Variants in POLN observed in about 807,000 individuals in gnomAD.
The protein encoded by POLN is DNA polymerase nu.
A neutral mutation model predicts 113.5 loss-of-function variants in POLN; 108 were observed. The observed-to-expected ratio is 0.95, with a 90% CI of 0.81 to 1.12. The LOEUF (loss-of-function observed/expected upper bound fraction) is 1.12, where lower values mean the gene tolerates loss of function less well. POLN is among the 50% of genes most tolerant of loss of function. POLN has a pLI of 0.00. For synonymous variants in POLN, 386 were observed against 391.5 expected (o/e 0.99, Z 0.17); for missense variants, 1,097 against 1,077.1 (o/e 1.02, Z -0.26).
At chr4:2,206,213 G>T (rs567021069) in intron 5 of POLN, among the ~76,000 whole-genome samples, 1 of 152,244 alleles carries the variant, frequency 6.6e-6, no homozygotes, top group East Asian at 1.9e-4. Context: ...AAATGAAACT[G>T]GATCCTCATC....
At chr4:2,149,601 G>A (rs1430874992) in intron 16 of POLN, among the ~76,000 whole-genome samples, 1 of 152,064 alleles carries the variant, frequency 6.6e-6, no homozygotes, top group Non-Finnish European at 1.5e-5. Context: ...AAACGATATA[G>A]GATAGCAAGA....
chr4:2,169,515 T>C (rs1732808388), intron 13 of POLN, among the ~76,000 whole-genome samples: 1 of 152,182 alleles, frequency 6.6e-6, no homozygotes, highest in African/African-American at 2.4e-5. Flanking sequence ...TTACTGGTCT[T>C]TTGAGAGCTT....
At chr4:2,236,210 A>G (rs1380423386) in intron 2 of POLN, 26 of 1,473,864 alleles carry the variant, frequency 1.8e-5, no homozygotes, top group African/African-American at 2.8e-5. Context: ...ATTTTTAACT[A>G]CTATGGCAAA....
intron 20 of POLN, chr4:2,088,697 G>GTT: frequency 2.1e-6 from 2 of 957,380 alleles, no homozygotes; most frequent in Non-Finnish European, 2.9e-6. Context: ...CAGCCATCAA[G>GTT]TTTTCTTTTG....
intron 6 of POLN, among the ~76,000 whole-genome samples, chr4:2,197,399 G>A (rs1560090429): frequency 6.6e-6 from 1 of 152,154 alleles, no homozygotes; most frequent in Non-Finnish European, 1.5e-5. Context: ...TATGGTTTGT[G>A]GAAAGTAGAG....
intron 2 of POLN, chr4:2,231,105 G>C (rs1048994259): frequency 2.6e-5 from 4 of 152,154 alleles, no homozygotes; most frequent in African/African-American, 9.7e-5. Context: ...AATGAATGCA[G>C]GCAGGCCAAG....
rs1278389507 is a variant in POLN, at chr4:2,094,471, C to T, written c.2065+1380G>A. On this transcript the variant is annotated intron_variant, in intron 20 of 25. Transcript: ENST00000511885. ...GCCAACACCCTGACTGCAGCCCCTG[C>T]AGGGGACCCAGCTATGGCATGCCCA... 2.6e-5 allele frequency among the ~76,000 whole-genome samples: 4 copies of T among 152,080 alleles called. No homozygotes were observed. The East Asian group carries it at 7.7e-4, about 29-fold the overall frequency.
chr4:2,147,957 A>T (rs7660254), intron 16 of POLN, among the ~76,000 whole-genome samples: 13,377 of 152,012 alleles, frequency 0.088, 953 homozygotes, highest in African/African-American at 0.19. Context: ...TTTTCATTCA[A>T]TACACACTTG....
At position 2,163,848 on chromosome 4, in the gene POLN, C is replaced by G. The variant is rs1732662156; in HGVS notation, c.1555-4637G>C. ...CCCAGCATGGGACTTGTCTTGAGCC[C>G]CGTCCCACAGGCCCAACTGCTGTTT... On this transcript the variant is annotated intron_variant, in intron 13 of 25. Transcript: ENST00000511885. Among the ~76,000 whole-genome samples the G allele has an allele frequency of 2.0e-5, 3 of 152,232 alleles. 1 individual carries two copies. The highest frequency in any genetic ancestry group is 7.2e-5 in the African/African-American group (3 of 41,472).
intron 19 of POLN, among the ~76,000 whole-genome samples, chr4:2,108,929 C>T (rs1359863812): frequency 6.6e-6 from 1 of 151,618 alleles, no homozygotes; most frequent in African/African-American, 2.4e-5. Context: ...CAGTTAACCA[C>T]GCTTTTCCAC....
At chr4:2,121,468 C>A (rs1731441535) in intron 19 of POLN, among the ~76,000 whole-genome samples, 1 of 143,640 alleles carries the variant, frequency 7.0e-6, no homozygotes, top group Non-Finnish European at 1.5e-5. Context: ...TATATATATC[C>A]AGGGAAGCCA....
At chr4:2,227,421 C>G (rs1377040662) in intron 3 of POLN, 1 of 152,222 alleles carries the variant, frequency 6.6e-6, no homozygotes, top group Non-Finnish European at 1.5e-5. Flanking sequence ...CTAGCAGAGT[C>G]AGGTCCAGGC....
At chr4:2,114,174 C>T (rs1731264854) in intron 19 of POLN, among the ~76,000 whole-genome samples, 1 of 151,984 alleles carries the variant, frequency 6.6e-6, no homozygotes, top group African/African-American at 2.4e-5. Flanking sequence ...GCTGGGATTA[C>T]AGGCATGAGC....
chr4:2,196,186 A>G (rs1239248571), intron 6 of POLN, among the ~76,000 whole-genome samples: 1 of 152,206 alleles, frequency 6.6e-6, no homozygotes, highest in Non-Finnish European at 1.5e-5. Context: ...TTTGGGACAT[A>G]CGTATACTAA....
intron 3 of POLN, among the ~76,000 whole-genome samples, chr4:2,225,912 G>C (rs908833023): frequency 1.3e-5 from 2 of 151,866 alleles, no homozygotes; most frequent in African/African-American, 2.4e-5. Context: ...GAGGTGGGAA[G>C]ATTGCTTGAA....
intron 19 of POLN, among the ~76,000 whole-genome samples, chr4:2,117,405 A>G (rs1268734862): frequency 6.6e-6 from 1 of 152,216 alleles, no homozygotes; most frequent in Admixed American, 6.5e-5. Context: ...TTGTACACAC[A>G]GAATATATTT....
At chr4:2,080,663 CA>C in intron 23 of POLN, 2 of 1,312,468 alleles carry the variant, frequency 1.5e-6, no homozygotes, top group Non-Finnish European at 2.0e-6. Flanking sequence ...CTGGGGTGGG[CA>C]GCCTCAAGGG....
At chr4:2,229,070 A>G in intron 3 of POLN, 29 bp downstream of exon 3, 1 of 1,556,202 alleles carries the variant, frequency 6.4e-7, no homozygotes, top group Non-Finnish European at 8.8e-7. Context: ...AAGTATCAAG[A>G]GAAAGAAAGG....
intron 13 of POLN, among the ~76,000 whole-genome samples, chr4:2,164,969 T>C (rs945489069): frequency 2.0e-5 from 3 of 152,078 alleles, no homozygotes; most frequent in African/African-American, 7.2e-5. Context: ...CTCTCATTCA[T>C]TGTTGGTGGG....
Sources: gnomAD v4.1 joint callset for allele counts (sites outside exome capture counted in the v4.1 genomes callset) on GRCh38, gnomAD v4.1.1 for gene constraint, MANE v1.5 for transcripts, NCBI Gene and HGNC (gene_info 2026-07-23, HGNC 2026-07-21) for gene names.